Variants in GRIK4 observed in about 807,000 individuals in gnomAD.
GRIK4 encodes glutamate receptor ionotropic, kainate 4.
A neutral mutation model predicts 104.9 loss-of-function variants in GRIK4; 40 were observed. That is an observed-to-expected ratio of 0.38 (90% CI 0.30 to 0.50). The LOEUF is 0.50. GRIK4 is among the 20% of genes least tolerant of loss of function. The pLI is 0.93. For synonymous variants in GRIK4, 485 were observed against 524.9 expected, an observed-to-expected ratio of 0.92 and a Z score of 1.04; for missense variants, 1,047 against 1,308.1, an observed-to-expected ratio of 0.80 and a Z score of 3.08.
intron 1 of GRIK4, among the ~76,000 whole-genome samples, chr11:120,613,304 G>T (rs1949061438): frequency 6.6e-6 from 1 of 152,184 alleles, no homozygotes; most frequent in South Asian, 2.1e-4. Context: ...AAGAAGACAT[G>T]CCCCCACAGT....
intron 3 of GRIK4, among the ~76,000 whole-genome samples, chr11:120,760,222 A>G (rs969014761): frequency 9.1e-4 from 138 of 151,730 alleles, no homozygotes; most frequent in African/African-American, 3.2e-3. Flanking sequence ...AATATTCTAC[A>G]TATAACTGAG....
chr11:120,686,491 A>G (rs1950278648), intron 3 of GRIK4, among the ~76,000 whole-genome samples: 1 of 152,222 alleles, frequency 6.6e-6, no homozygotes, highest in South Asian at 2.1e-4. Context: ...GCCTTACAAT[A>G]GTTGTATTCC....
intron 8 of GRIK4, among the ~76,000 whole-genome samples, chr11:120,842,962 T>G (rs780934255): frequency 3.9e-5 from 6 of 152,260 alleles, no homozygotes; most frequent in South Asian, 2.1e-4. Flanking sequence ...CAGAGAGATA[T>G]GCAGTCACTG....
intron 14 of GRIK4, among the ~76,000 whole-genome samples, chr11:120,947,191 C>T (rs11218073): frequency 0.14 from 21,521 of 152,126 alleles, 1,990 homozygotes; most frequent in East Asian, 0.32. Flanking sequence ...ATTATGAGGT[C>T]AAGTGTTCGA....
intron 1 of GRIK4, chr11:120,620,315 A>G (rs1475060280): frequency 3.1e-6 from 2 of 648,230 alleles, no homozygotes; most frequent in Non-Finnish European, 5.8e-6. Flanking sequence ...GAACTTTAGT[A>G]GTTTCCCAGA....
At chr11:120,963,209 T>A (rs534741592) in intron 18 of GRIK4, among the ~76,000 whole-genome samples, 1 of 152,348 alleles carries the variant, frequency 6.6e-6, no homozygotes, top group Non-Finnish European at 1.5e-5. Context: ...GATCCATCTA[T>A]GGTAGGTCGG....
chr11:120,644,082 AAGTGT>A (rs1949510290), intron 1 of GRIK4, among the ~76,000 whole-genome samples: 1 of 78,068 alleles, frequency 1.3e-5, no homozygotes, highest in Non-Finnish European at 2.7e-5. Context: ...GAGAGAGAGA[AAGTGT>A]GTGTATGTGT....
chr11:120,662,517 A>G (rs1447849049), intron 3 of GRIK4, among the ~76,000 whole-genome samples: 1 of 152,050 alleles, frequency 6.6e-6, no homozygotes, highest in Non-Finnish European at 1.5e-5. Context: ...AATTACATGG[A>G]CTCCAGAGGG....
chr11:120,749,891 A>G (rs1951516833), intron 3 of GRIK4, among the ~76,000 whole-genome samples: 1 of 152,190 alleles, frequency 6.6e-6, no homozygotes. Context: ...AGATAAATCA[A>G]TCTGGCAGTG....
rs572493936 is a variant in GRIK4 at position 120,960,819 on chromosome 11, C to A, written c.1875-90C>A. The A allele has an allele frequency of 2.6e-3, 2,537 of 965,472 alleles. 7 individuals are homozygous for A. The highest frequency in any genetic ancestry group is 4.9e-3 in the Middle Eastern group (16 of 3,258). 59.8% of individuals were successfully genotyped at this position (965,472 alleles called of 1,614,324 possible). On this transcript the variant is annotated intron_variant, in intron 16 of 20. Coordinates refer to ENST00000527524, the MANE Select transcript of GRIK4 (RefSeq NM_014619.5). ...CTCTTTCATAAGAAAGATGCCTGGT[C>A]TCTCCCATGTCACAGCAGGACTGGG... is the stretch of plus-strand genomic sequence containing the variant.
chr11:120,684,750 G>A (rs183874078), intron 3 of GRIK4, among the ~76,000 whole-genome samples: 60 of 151,650 alleles, frequency 4.0e-4, no homozygotes, highest in South Asian at 6.3e-4. Context: ...TCGCTCTGTC[G>A]CCCAGGCTGG....
In GRIK4 at chr11:120,952,848, T is replaced by A. The variant is rs958412232; in HGVS notation, c.1591-7T>A. 1.9e-6 allele frequency: 3 copies of A among 1,599,776 alleles called. No individual in the cohort carries two copies. The highest frequency in any genetic ancestry group is 3.3e-4 in the Middle Eastern group (2 of 6,040). On this transcript the variant is annotated splice_polypyrimidine_tract_variant and splice_region_variant and intron_variant, in intron 14 of 20. Transcript: ENST00000527524. This position sits in a 1 kb window ranked among gnomAD's most constrained non-coding sequence, Gnocchi z 5.2. Reference sequence around the variant, plus strand: ...GCGGTGAATCTTGTTTTTCTCTCCATTTCCAGGGACGCAAACCCGGCTATT... The same window carrying A: ...GCGGTGAATCTTGTTTTTCTCTCCAATTCCAGGGACGCAAACCCGGCTATT...
chr11:120,917,269 A>AAAAAAAAAAG (rs1463389337), intron 13 of GRIK4, among the ~76,000 whole-genome samples: 1 of 138,294 alleles, frequency 7.2e-6, no homozygotes, highest in Non-Finnish European at 1.5e-5. Flanking sequence ...AAAAAAAAAA[A>AAAAAAAAAAG]AAAGAAAGAA....
At chr11:120,656,632 G>A (rs4525243) in intron 2 of GRIK4, among the ~76,000 whole-genome samples, 81,665 of 151,994 alleles carry the variant, frequency 0.54, 23,688 homozygotes, top group East Asian at 0.7. Context: ...AGGCCGAGGC[G>A]GGTGGATCAC....
At chr11:120,565,060 T>C (rs1044333826) in intron 1 of GRIK4, among the ~76,000 whole-genome samples, 1 of 152,118 alleles carries the variant, frequency 6.6e-6, no homozygotes, top group African/African-American at 2.4e-5. Context: ...CTGTTTGCGG[T>C]GAGTCTGTCG....
chr11:120,943,656 T>C (rs1943782363), intron 14 of GRIK4, among the ~76,000 whole-genome samples: 1 of 152,228 alleles, frequency 6.6e-6, no homozygotes, highest in Non-Finnish European at 1.5e-5. Context: ...AGCAAAAATA[T>C]GGGTAATTTA....
intron 3 of GRIK4, among the ~76,000 whole-genome samples, chr11:120,661,018 G>T (rs1281957743): frequency 6.6e-6 from 1 of 152,208 alleles, no homozygotes; most frequent in Non-Finnish European, 1.5e-5. Flanking sequence ...GGAGGGGCGG[G>T]TCTGGGAAGT....
chr11:120,567,870 A>T (rs549820496), intron 1 of GRIK4, among the ~76,000 whole-genome samples: 1 of 152,276 alleles, frequency 6.6e-6, no homozygotes, highest in East Asian at 1.9e-4. Context: ...TCCCATAAAG[A>T]TAGTTGTCTA....
chr11:120,783,828 A>G (rs1952210411), intron 3 of GRIK4, among the ~76,000 whole-genome samples: 1 of 152,244 alleles, frequency 6.6e-6, no homozygotes, highest in African/African-American at 2.4e-5. Context: ...TCAAGGAAAC[A>G]GGCGGGTTAG....
Sources: gnomAD v4.1 joint callset for allele counts (sites outside exome capture counted in the v4.1 genomes callset) on GRCh38, gnomAD v4.1.1 for gene constraint, Gnocchi (gnomAD v3.1) non-coding constraint, MANE v1.5 for transcripts, NCBI Gene and HGNC (gene_info 2026-07-23, HGNC 2026-07-21) for gene names.